MGAT4C: variants seen among roughly 807,000 people sequenced by gnomAD.
MGAT4C encodes the protein alpha-1,3-mannosyl-glycoprotein 4-beta-N-acetylglucosaminyltransferase C.
A neutral mutation model predicts 40.1 loss-of-function variants in MGAT4C; 19 were observed. The observed-to-expected ratio is 0.47, with a 90% CI of 0.33 to 0.70. The LOEUF is 0.70. Among genes scored for constraint, MGAT4C ranks in the 30% least tolerant of loss-of-function variants. The pLI, the probability that MGAT4C is intolerant of heterozygous loss-of-function variation, is 0.02. For synonymous variants in MGAT4C, 181 were observed against 187.1 expected, an observed-to-expected ratio of 0.97 and a Z score of 0.27; for missense variants, 491 against 563.2, an observed-to-expected ratio of 0.87 and a Z score of 1.30.
intron 2 of MGAT4C, among the ~76,000 whole-genome samples, chr12:86,722,334 T>C (rs1389686472): frequency 6.6e-6 from 1 of 152,272 alleles, no homozygotes; most frequent in African/African-American, 2.4e-5. Context: ...CCAGTGTCCT[T>C]ACAGCAGTTA....
intron 2 of MGAT4C, among the ~76,000 whole-genome samples, chr12:86,477,798 A>C (rs1035510724): frequency 3.3e-5 from 5 of 151,846 alleles, no homozygotes; most frequent in African/African-American, 1.2e-4. Flanking sequence ...TCCTGCGTCC[A>C]AGTGTTATCA....
At chr12:86,457,613 AGCT>A in intron 2 of MGAT4C, among the ~76,000 whole-genome samples, 1 of 152,224 alleles carries the variant, frequency 6.6e-6, no homozygotes, top group African/African-American at 2.4e-5. Flanking sequence ...AATATAGTTT[AGCT>A]GAAATGTCAT....
intron 1 of MGAT4C, among the ~76,000 whole-genome samples, chr12:86,176,778 A>G (rs939442245): frequency 6.7e-6 from 1 of 149,730 alleles, no homozygotes; most frequent in Admixed American, 6.8e-5. Context: ...TGTGTTCTAT[A>G]TAATCCTTTT....
chr12:86,373,877 C>T (rs1292620017), intron 3 of MGAT4C, among the ~76,000 whole-genome samples: 1 of 152,048 alleles, frequency 6.6e-6, no homozygotes, highest in Non-Finnish European at 1.5e-5. Flanking sequence ...CTTTTAACAT[C>T]TTGCTCTTAA....
rs56357601 is a variant in MGAT4C at position 86,191,083 on chromosome 12, G to GCA, written c.-57+65154_-57+65155dup. Reference sequence around the variant, plus strand: ...TTTCTTAAAATCACTCTCTCTCTCTGCACACACACACACACACACACACAC... The same window carrying GCA: ...TTTCTTAAAATCACTCTCTCTCTCTGCACACACACACACACACACACACACAC... On this transcript the variant is annotated intron_variant, in intron 1 of 4. Coordinates refer to ENST00000611864, the MANE Select transcript of MGAT4C (RefSeq NM_001351288.2). Among the ~76,000 whole-genome samples the GCA allele has an allele frequency of 4.6e-3, 637 of 138,458 alleles. 3 individuals carry two copies. The highest frequency in any genetic ancestry group is 5.6e-3 in the Non-Finnish European group (361 of 64,116). 90.8% of individuals were successfully genotyped at this position (138,458 alleles called of 152,430 possible).
chr12:86,171,398 G>A (rs1886833575), intron 1 of MGAT4C, among the ~76,000 whole-genome samples: 1 of 151,972 alleles, frequency 6.6e-6, no homozygotes, highest in Non-Finnish European at 1.5e-5. Flanking sequence ...ATAGAAAGAT[G>A]TTTACTATCT....
At chr12:86,019,335 GTGCCCCAGTATAATAGATAGCAAGTA>G (rs974984942) in intron 2 of MGAT4C, among the ~76,000 whole-genome samples, 10 of 152,070 alleles carry the variant, frequency 6.6e-5, no homozygotes, top group African/African-American at 2.2e-4. Context: ...TTTTAGTGGT[GTGCCCCAGTATAATAGATAGCAAGTA>G]TGCTGTCATA....
At chr12:86,154,694 A>G (rs1292936436) in intron 1 of MGAT4C, among the ~76,000 whole-genome samples, 1 of 152,206 alleles carries the variant, frequency 6.6e-6, no homozygotes. Context: ...AAAAAAAGAT[A>G]AATAAGTGAA....
chr12:86,041,267 C>A (rs935080063), intron 2 of MGAT4C, among the ~76,000 whole-genome samples: 8 of 151,926 alleles, frequency 5.3e-5, no homozygotes, highest in Non-Finnish European at 1.2e-4. Flanking sequence ...TCTCAAAAAA[C>A]AAATTCCTAA....
chr12:86,201,914 C>A (rs932221776), intron 1 of MGAT4C, among the ~76,000 whole-genome samples: 2 of 151,946 alleles, frequency 1.3e-5, no homozygotes, highest in Non-Finnish European at 2.9e-5. Flanking sequence ...TATGCCACAG[C>A]AAATGGTATT....
At chr12:86,520,901 T>C (rs1417522114) in intron 2 of MGAT4C, among the ~76,000 whole-genome samples, 2 of 152,166 alleles carry the variant, frequency 1.3e-5, no homozygotes, top group Non-Finnish European at 2.9e-5. Context: ...TCTTGTCCTC[T>C]GTCCACTTTT....
intron 2 of MGAT4C, chr12:86,022,663 T>C (rs1565872915): frequency 6.6e-6 from 1 of 152,480 alleles, no homozygotes; most frequent in Non-Finnish European, 1.5e-5. Flanking sequence ...TGAGCCATGA[T>C]TGTGCCATGC....
chr12:86,702,895 A>G (rs1262585618), intron 2 of MGAT4C, among the ~76,000 whole-genome samples: 1 of 152,226 alleles, frequency 6.6e-6, no homozygotes, highest in Non-Finnish European at 1.5e-5. Context: ...ATCAAGGCAA[A>G]GTATATTGAA....
At chr12:86,061,663 C>T (rs1345353900) in intron 1 of MGAT4C, among the ~76,000 whole-genome samples, 9 of 151,998 alleles carry the variant, frequency 5.9e-5, no homozygotes, top group African/African-American at 1.9e-4. Context: ...CTGAGGTCAA[C>T]CTGGGATGCT....
chr12:86,318,366 A>G (rs977961591), intron 4 of MGAT4C, among the ~76,000 whole-genome samples: 2 of 152,210 alleles, frequency 1.3e-5, no homozygotes, highest in Non-Finnish European at 2.9e-5. Flanking sequence ...AGGAGCAGCC[A>G]TCACAGAGCT....
intron 1 of MGAT4C, among the ~76,000 whole-genome samples, chr12:86,247,259 A>G (rs141008197): frequency 6.6e-6 from 1 of 152,320 alleles, no homozygotes; most frequent in African/African-American, 2.4e-5. Context: ...AAGTCCACTC[A>G]AATTTTATTT....
chr12:86,177,553 A>G (rs1342294518), intron 1 of MGAT4C, among the ~76,000 whole-genome samples: 2 of 152,114 alleles, frequency 1.3e-5, no homozygotes, highest in Non-Finnish European at 2.9e-5. Flanking sequence ...TGGGGCATAA[A>G]CTTTTTATAC....
Position 85,962,715 on chromosome 12 carries a change from T to C in MGAT4C, c.*16574A>G, listed in dbSNP as rs961615130. ...TCAGTGCTATCAACTACATTTTACA[T>C]AGGATGAAAAAAATCATTATTTTTA... is the stretch of plus-strand genomic sequence containing the variant. On this transcript the variant is annotated 3_prime_UTR_variant, in exon 5 of 5. Transcript: ENST00000611864. 4.0e-5 allele frequency: 6 copies of C among 151,052 alleles called. No homozygotes were observed. Among genetic ancestry groups the C allele is most frequent in the Admixed American group, 4.0e-4 (6 of 15,156 alleles). The allele number at this position is 151,052 out of a possible 1,614,324, so 9.4% of individuals were successfully genotyped here.
chr12:86,409,336 G>A (rs114672160), intron 3 of MGAT4C, among the ~76,000 whole-genome samples: 247 of 152,212 alleles, frequency 1.6e-3, no homozygotes, highest in African/African-American at 5.5e-3. Context: ...TGCCAAGAGC[G>A]TAATGATAAT....
Sources: allele counts gnomAD v4.1 joint callset (sites outside exome capture counted in the v4.1 genomes callset), GRCh38; gene constraint gnomAD v4.1.1; transcripts MANE v1.5; gene names NCBI Gene and HGNC (gene_info 2026-07-23, HGNC 2026-07-21).